Variants in DNAH11 observed in about 807,000 individuals in gnomAD.
The protein encoded by DNAH11 is dynein axonemal heavy chain 11.
A neutral mutation model predicts 526.0 loss-of-function variants in DNAH11; 442 were observed. The observed-to-expected ratio is 0.84, with a 90% CI of 0.78 to 0.91. The LOEUF is 0.91. Ranked by LOEUF, DNAH11 falls within the 40% of genes least tolerant of loss-of-function variation. The pLI is 0.00. For missense variants in DNAH11, 6,989 were observed against 5,448.7 expected, an observed-to-expected ratio of 1.28 and a Z score of -8.90; for synonymous variants, 2,461 against 1,935.9, an observed-to-expected ratio of 1.27 and a Z score of -7.12.
At chr7:21,687,020 T>C (rs1464041822) in intron 32 of DNAH11, 79 bp from the exon 33 acceptor site, 3 of 1,395,436 alleles carry the variant, frequency 2.1e-6, no homozygotes, top group Admixed American at 5.4e-5. Context: ...TCTTAAACTT[T>C]TTTTCTAATG....
chr7:21,794,888 A>T (rs1336464872), intron 61 of DNAH11, among the ~76,000 whole-genome samples: 1 of 152,116 alleles, frequency 6.6e-6, no homozygotes, highest in East Asian at 1.9e-4. Flanking sequence ...AGGAACTACG[A>T]GTCTGGGGGG....
chr7:21,854,486 A>G, intron 68 of DNAH11, 31 bp downstream of exon 68: 1 of 1,601,572 alleles, frequency 6.2e-7, no homozygotes, highest in Non-Finnish European at 8.5e-7. Context: ...AAATATGGGA[A>G]ACTTTAGGAG....
intron 79 of DNAH11, among the ~76,000 whole-genome samples, 173 bp from the exon 80 acceptor site, chr7:21,899,163 C>G (rs1784643343): frequency 6.6e-6 from 1 of 152,206 alleles, no homozygotes; most frequent in African/African-American, 2.4e-5. Flanking sequence ...GGGAAACAAA[C>G]TAGCCCTTTA....
rs923362402 is a variant in DNAH11, at chr7:21,651,512, G to A, written c.4945-4320G>A. ...GGAGTAGCTGGAATTATAGGCGCGT[G>A]CCACTTTTCCCTTTGTTTTCTAAGT... On this transcript the variant is annotated intron_variant, in intron 28 of 81. Coordinates refer to ENST00000409508, the MANE Select transcript of DNAH11 (RefSeq NM_001277115.2). Among the ~76,000 whole-genome samples the A allele has an allele frequency of 2.6e-5, 4 of 152,266 alleles. No homozygotes were observed. In the East Asian group the frequency reaches 7.7e-4, roughly 29 times the overall value.
chr7:21,738,658 T>C, intron 46 of DNAH11, 43 bp from the exon 47 acceptor site: 4 of 1,506,284 alleles, frequency 2.7e-6, no homozygotes, highest in Non-Finnish European at 3.6e-6. Context: ...AATGAACATT[T>C]ACATTCTGTT....
intron 28 of DNAH11, 92 bp from the exon 29 acceptor site, chr7:21,655,740 C>A (rs573733901): frequency 7.8e-7 from 1 of 1,286,050 alleles, no homozygotes; most frequent in Non-Finnish European, 1.1e-6. Flanking sequence ...AACTCCATAA[C>A]GTTTCATGAC....
At chr7:21,616,551 C>T (rs1785792589) in intron 22 of DNAH11, among the ~76,000 whole-genome samples, 1 of 152,078 alleles carries the variant, frequency 6.6e-6, no homozygotes, top group Non-Finnish European at 1.5e-5. Context: ...CCTACAGCTT[C>T]CTAGAACAGA....
chr7:21,748,055 G>A (rs146593266), intron 51 of DNAH11, among the ~76,000 whole-genome samples: 88 of 152,342 alleles, frequency 5.8e-4, no homozygotes, highest in African/African-American at 2.1e-3. Context: ...AGGATGATTT[G>A]TCTTGGGAGC....
intron 52 of DNAH11, 69 bp downstream of exon 52, chr7:21,748,811 G>A (rs560160547): frequency 1.4e-4 from 208 of 1,468,510 alleles, no homozygotes; most frequent in East Asian, 1.1e-3. Flanking sequence ...CTCCTAGTGC[G>A]CCCGTGTGGG....
chr7:21,778,680 C>A (rs999445230), intron 56 of DNAH11, among the ~76,000 whole-genome samples: 3 of 152,176 alleles, frequency 2.0e-5, no homozygotes, highest in Non-Finnish European at 4.4e-5. Flanking sequence ...TGTGGTCAGA[C>A]AGAGGGAAGA....
In DNAH11 at chr7:21,543,354, G is replaced by C; in HGVS notation, c.109G>C (p.Glu37Gln). The change falls in exon 1 of 82, where the codon GAG becomes CAG. Residue 37 changes from glutamate to glutamine, a missense_variant. Coordinates refer to ENST00000409508, the MANE Select transcript of DNAH11 (RefSeq NM_001277115.2). ...LEAVGAVELEEEEENEEEAAA... is the reference protein window; with the variant it reads ...LEAVGAVELEQEEENEEEAAA... ...GGCAGTGGGCGCTGTGGAGCTCGAGGAGGAGGAGGAGAACGAGGAGGAGGC... is the reference window on the plus strand; with the variant it reads ...GGCAGTGGGCGCTGTGGAGCTCGAGCAGGAGGAGGAGAACGAGGAGGAGGC... 1 of 1,551,152 alleles carries C rather than the reference G, an allele frequency of 6.4e-7. No homozygotes were observed. The highest frequency in any genetic ancestry group is 8.7e-7 in the Non-Finnish European group (1 of 1,146,654).
chr7:21,738,190 T>C (rs1356309172), intron 46 of DNAH11, among the ~76,000 whole-genome samples: 1 of 152,228 alleles, frequency 6.6e-6, no homozygotes, highest in Non-Finnish European at 1.5e-5. Flanking sequence ...TGTAAGTTTA[T>C]GTATTCACGG....
intron 28 of DNAH11, among the ~76,000 whole-genome samples, chr7:21,644,258 C>G (rs1421574255): frequency 6.6e-6 from 1 of 152,048 alleles, no homozygotes; most frequent in African/African-American, 2.4e-5. Flanking sequence ...CCCACATTCC[C>G]ACAAGCACAG....
At chr7:21,607,094 A>G (rs1457667069) in intron 20 of DNAH11, among the ~76,000 whole-genome samples, 3 of 152,174 alleles carry the variant, frequency 2.0e-5, no homozygotes, top group African/African-American at 7.2e-5. Flanking sequence ...TCAAAACCTC[A>G]AAAGTAGGGG....
intron 54 of DNAH11, among the ~76,000 whole-genome samples, chr7:21,754,562 T>C (rs1426987175): frequency 6.7e-6 from 1 of 148,688 alleles, no homozygotes; most frequent in African/African-American, 2.4e-5. Flanking sequence ...ATGTGGATAA[T>C]TTCCCCCCCC....
chr7:21,679,707 G>T (rs992385119), intron 30 of DNAH11, among the ~76,000 whole-genome samples: 6 of 152,162 alleles, frequency 3.9e-5, no homozygotes, highest in African/African-American at 1.2e-4. Context: ...CTGAAGGGAT[G>T]GGTAGGTCTT....
intron 42 of DNAH11, among the ~76,000 whole-genome samples, chr7:21,715,269 A>G (rs1784610021): frequency 6.6e-6 from 1 of 152,218 alleles, no homozygotes; most frequent in Non-Finnish European, 1.5e-5. Context: ...GAGGTCTGAG[A>G]ACTTTGGCTA....
Position 21,892,493 on chromosome 7 carries a change from C to A in DNAH11, c.12576C>A (p.His4192Gln), listed in dbSNP as rs1784359735. 6.2e-7 allele frequency: 1 copy of A among 1,613,960 alleles called. No individual in the cohort carries two copies. The highest frequency in any genetic ancestry group is 8.5e-7 in the Non-Finnish European group (1 of 1,179,890). The change falls in exon 77 of 82, where the codon CAC (histidine) becomes CAA (glutamine). Residue 4192 changes from histidine (H) to glutamine (Q), a missense_variant. His to Gln is a conservative substitution (Grantham distance 24). Transcript: ENST00000409508. ...CCTACCTAGATTATGCAGGCTACCA[C>A]CAGTACATAGAGGAGATGCTTCCTC... is the stretch of plus-strand genomic sequence containing the variant. ...APPYLDYAGYHQYIEEMLPPE... is the reference protein window; with the variant it reads ...APPYLDYAGYQQYIEEMLPPE...
chr7:21,767,595 C>T (rs969965010), intron 55 of DNAH11, among the ~76,000 whole-genome samples: 9 of 152,124 alleles, frequency 5.9e-5, no homozygotes, highest in Non-Finnish European at 1.2e-4. Context: ...AACACTTTCC[C>T]ATTTCTCTTG....
Sources: gnomAD v4.1 joint callset for allele counts (sites outside exome capture counted in the v4.1 genomes callset) on GRCh38, gnomAD v4.1.1 for gene constraint, MANE v1.5 for transcripts, NCBI Gene and HGNC (gene_info 2026-07-23, HGNC 2026-07-21) for gene names.